LHFPL6: variants seen among roughly 807,000 people sequenced by gnomAD.
The protein encoded by LHFPL6 is LHFPL tetraspan subfamily member 6, also known as LHFPL tetraspan subfamily member 6 protein.
In LHFPL6, 9 loss-of-function variants were observed where a neutral mutation model predicts 20.6. That is an observed-to-expected ratio of 0.44 (90% CI 0.26 to 0.76). LHFPL6 has a LOEUF of 0.76. Among genes scored for constraint, LHFPL6 ranks in the 30% least tolerant of loss-of-function variants. The probability of loss-of-function intolerance (pLI) is 0.20; values close to 1 mark genes in which losing one functional copy is unlikely to be tolerated. For missense variants in LHFPL6, 218 were observed against 253.5 expected (o/e 0.86, Z 0.95); for synonymous variants, 105 against 98.7 (o/e 1.06, Z -0.38).
intron 2 of LHFPL6, among the ~76,000 whole-genome samples, chr13:39,441,295 T>C (rs1261401243): frequency 6.6e-6 from 1 of 151,824 alleles, no homozygotes; most frequent in East Asian, 1.9e-4. Flanking sequence ...CCCTGCCTTG[T>C]TAAATGCATT....
At chr13:39,575,516 T>C (rs1338288022) in intron 2 of LHFPL6, among the ~76,000 whole-genome samples, 13 of 152,214 alleles carry the variant, frequency 8.5e-5, no homozygotes, top group Admixed American at 8.5e-4. Flanking sequence ...CTATGACATC[T>C]CTATGTTTCA....
intron 2 of LHFPL6, among the ~76,000 whole-genome samples, chr13:39,509,629 T>C (rs1398286620): frequency 3.3e-5 from 5 of 152,164 alleles, no homozygotes; most frequent in Non-Finnish European, 5.9e-5. Flanking sequence ...GCTTTTTCTT[T>C]AGGAATGCCA....
chr13:39,397,667 A>G (rs1870877906), intron 2 of LHFPL6, among the ~76,000 whole-genome samples: 1 of 152,202 alleles, frequency 6.6e-6, no homozygotes, highest in African/African-American at 2.4e-5. Context: ...CTCCAAATGC[A>G]CAGACTGTTA....
intron 3 of LHFPL6, among the ~76,000 whole-genome samples, chr13:39,355,063 G>C (rs1321172336): frequency 6.8e-6 from 1 of 146,788 alleles, no homozygotes; most frequent in Non-Finnish European, 1.5e-5. Flanking sequence ...AAAAACCCCA[G>C]CAAGGTACCA....
At chr13:39,536,446 C>A (rs1870620697) in intron 2 of LHFPL6, among the ~76,000 whole-genome samples, 1 of 152,136 alleles carries the variant, frequency 6.6e-6, no homozygotes, top group African/African-American at 2.4e-5. Context: ...ATGCTCCCAG[C>A]CAATGACTGA....
At chr13:39,501,598 T>C (rs1187367300) in intron 2 of LHFPL6, among the ~76,000 whole-genome samples, 1 of 152,162 alleles carries the variant, frequency 6.6e-6, no homozygotes, top group African/African-American at 2.4e-5. Flanking sequence ...TCAACTTTAT[T>C]GACACTGTTG....
intron 2 of LHFPL6, among the ~76,000 whole-genome samples, chr13:39,444,400 T>G (rs544357782): frequency 6.6e-6 from 1 of 152,172 alleles, no homozygotes; most frequent in Non-Finnish European, 1.5e-5. Context: ...GAGATTCATA[T>G]GGATAGAAGG....
At chr13:39,500,228 G>T (rs971274821) in intron 2 of LHFPL6, among the ~76,000 whole-genome samples, 2 of 151,976 alleles carry the variant, frequency 1.3e-5, no homozygotes, top group South Asian at 2.1e-4. Context: ...TTGAGACAGG[G>T]TCTTGCTCTG....
chr13:39,456,263 T>C (rs1001645601), intron 2 of LHFPL6, among the ~76,000 whole-genome samples: 5 of 152,222 alleles, frequency 3.3e-5, no homozygotes, highest in African/African-American at 2.4e-5. Flanking sequence ...TTTCAGAGGA[T>C]TGTTTAGAAA....
chr13:39,475,581 G>A (rs545417583), intron 2 of LHFPL6, among the ~76,000 whole-genome samples: 5 of 152,164 alleles, frequency 3.3e-5, no homozygotes, highest in Admixed American at 1.3e-4. Flanking sequence ...TGTAACAGAC[G>A]ATGCCAGGTG....
chr13:39,352,928 T>C (rs1198305236), intron 3 of LHFPL6, among the ~76,000 whole-genome samples: 15 of 57,222 alleles, frequency 2.6e-4, no homozygotes, highest in Non-Finnish European at 3.5e-4. Flanking sequence ...TATATAAATG[T>C]ATATATATGT....
At chr13:39,483,446 G>T (rs917538255) in intron 2 of LHFPL6, among the ~76,000 whole-genome samples, 1 of 150,808 alleles carries the variant, frequency 6.6e-6, no homozygotes, top group Non-Finnish European at 1.5e-5. Context: ...AAAACAATTG[G>T]CCTAGAATAT....
chr13:39,549,986 G>T (rs566644367), intron 2 of LHFPL6, among the ~76,000 whole-genome samples: 1 of 152,106 alleles, frequency 6.6e-6, no homozygotes, highest in East Asian at 1.9e-4. Context: ...GGAGAAAATG[G>T]GGAAATGAGA....
chr13:39,585,765 G>C (rs1386885170), intron 2 of LHFPL6, among the ~76,000 whole-genome samples: 1 of 152,138 alleles, frequency 6.6e-6, no homozygotes, highest in East Asian at 1.9e-4. Context: ...CTTTGGTTCT[G>C]AGGGCTGCCT....
intron 2 of LHFPL6, among the ~76,000 whole-genome samples, chr13:39,546,429 A>G (rs993199087): frequency 3.3e-5 from 5 of 152,128 alleles, no homozygotes; most frequent in Non-Finnish European, 5.9e-5. Flanking sequence ...TCCGATAGAC[A>G]TTTTAATTTG....
In LHFPL6 at chr13:39,575,119, G is replaced by T. The variant is rs118170935; in HGVS notation, c.385+25713C>A. On this transcript the variant is annotated intron_variant, in intron 2 of 3. Coordinates refer to ENST00000379589, the MANE Select transcript of LHFPL6 (RefSeq NM_005780.3). ...CTAAGAAATTTCCATTCTATTCCCC[G>T]CCTGTCCCTCTCTGTCTTTGTTACA... Among the ~76,000 whole-genome samples the T allele has an allele frequency of 5.3e-5, 8 of 151,818 alleles. No homozygotes were observed. In the East Asian group the frequency reaches 1.5e-3, roughly 29 times the overall value.
chr13:39,501,391 T>A (rs1869289855), intron 2 of LHFPL6, among the ~76,000 whole-genome samples: 1 of 152,190 alleles, frequency 6.6e-6, no homozygotes, highest in Non-Finnish European at 1.5e-5. Flanking sequence ...GCCCAGAATT[T>A]TTTTTTACAT....
At chr13:39,548,528 T>C (rs1871047717) in intron 2 of LHFPL6, among the ~76,000 whole-genome samples, 1 of 152,046 alleles carries the variant, frequency 6.6e-6, no homozygotes, top group African/African-American at 2.4e-5. Flanking sequence ...TCAGAGTTAC[T>C]GATGATGAGC....
chr13:39,600,311 T>A (rs911513622), intron 2 of LHFPL6, among the ~76,000 whole-genome samples: 4 of 152,252 alleles, frequency 2.6e-5, no homozygotes, highest in African/African-American at 9.6e-5. Flanking sequence ...ATAAAACTGA[T>A]CTCTCATTTA....
Sources: gnomAD v4.1 joint callset for allele counts (sites outside exome capture counted in the v4.1 genomes callset) on GRCh38, gnomAD v4.1.1 for gene constraint, MANE v1.5 for transcripts, NCBI Gene and HGNC (gene_info 2026-07-23, HGNC 2026-07-21) for gene names.